Variants in ZNF77 observed in about 807,000 individuals in gnomAD.
ZNF77 encodes the protein zinc finger protein 77.
Under a neutral mutation model 13.5 loss-of-function variants are expected in ZNF77, and 15 were observed. The ratio of observed to expected loss-of-function variants is 1.11; its 90% CI spans 0.74 to 1.71. The LOEUF is 1.71. ZNF77 is among the 40% of genes most tolerant of loss of function. The pLI, the probability that ZNF77 is intolerant of heterozygous loss-of-function variation, is 0.00. For synonymous variants in ZNF77, 282 were observed against 250.0 expected (o/e 1.13, Z -1.21); for missense variants, 717 against 676.4 (o/e 1.06, Z -0.67).
intron 2 of ZNF77, among the ~76,000 whole-genome samples, chr19:2,937,090 A>T (rs1252756715): frequency 6.6e-6 from 1 of 151,968 alleles, no homozygotes; most frequent in East Asian, 1.9e-4. Context: ...TTGGGAGGCC[A>T]AGGAGGGAGG....
intron 1 of ZNF77, 28 bp downstream of exon 1, chr19:2,944,810 C>A: frequency 6.6e-7 from 1 of 1,513,548 alleles, no homozygotes; most frequent in Non-Finnish European, 8.8e-7. Context: ...CGCCCTGGGC[C>A]CGGGCTCGGC....
At chr19:2,935,269 C>T (rs1396620936) in intron 3 of ZNF77, among the ~76,000 whole-genome samples, 6 of 151,156 alleles carry the variant, frequency 4.0e-5, no homozygotes, top group Non-Finnish European at 7.4e-5. Context: ...CCGCCTGCCT[C>T]GGCCTCCCAA....
In ZNF77 at chr19:2,939,340, G is replaced by A; in HGVS notation, c.71C>T (p.Ala24Val). The A allele has an allele frequency of 6.2e-7, 1 of 1,614,222 alleles. No individual in the cohort carries two copies. Among genetic ancestry groups the A allele is most frequent in the Non-Finnish European group, 8.5e-7 (1 of 1,180,028 alleles). The change falls in exon 2 of 4, where the codon GCT becomes GTT. Residue 24 changes from alanine to valine, a missense_variant. Ala to Val is a moderately conservative substitution (Grantham distance 64). Coordinates refer to ENST00000314531, the MANE Select transcript of ZNF77 (RefSeq NM_021217.3). Reference sequence around the variant, plus strand: ...CACATCTCTGTAGAGGCTCCTCTGAGCATGATCCAGCAATGCCCACTCTTC... The same window carrying A: ...CACATCTCTGTAGAGGCTCCTCTGAACATGATCCAGCAATGCCCACTCTTC... ...TPEEWALLDH[A>V]QRSLYRDVML...
rs1184023183 is a variant in ZNF77 at position 2,934,389 on chromosome 19, C to T, written c.738G>A (p.Gly246=). 2 of 1,614,192 alleles carry T rather than the reference C, an allele frequency of 1.2e-6. No individual in the cohort carries two copies. Among genetic ancestry groups the T allele is most frequent in the African/African-American group, 1.3e-5 (1 of 75,048 alleles). Residue 246 remains glycine (G), a synonymous_variant, in exon 4 of 4, where the codon GGG becomes GGA. Transcript: ENST00000314531. ...GGTAGGAGTAATACATAAAGGTCTT[C>T]CCACATACTTTACATGCATGGGTTT... The part of the protein sequence containing the change: ...GQKTHACKVC[G]KTFMYYSYLT...
chr19:2,933,647 A>G lies in ZNF77; in HGVS notation c.1480T>C (p.Cys494Arg), dbSNP rs774984845. The change falls in exon 4 of 4, where the codon TGT becomes CGT. Residue 494 changes from cysteine (C) to arginine (R), a missense_variant. Transcript: ENST00000314531. ...RSHSGVKPYE[C>R]TECGKAYSCS... ...CTGTAGGCTTTCCCACATTCAGTAC[A>G]TTCGTAGGGTTTGACCCCACTGTGT... The G allele has an allele frequency of 1.9e-6, 3 of 1,613,858 alleles. No individual in the cohort carries two copies. The highest frequency in any genetic ancestry group is 1.1e-5 in the South Asian group (1 of 91,082).
intron 1 of ZNF77, 27 bp downstream of exon 1, chr19:2,944,811 C>T (rs1335909837): frequency 6.6e-7 from 1 of 1,513,534 alleles, no homozygotes; most frequent in Non-Finnish European, 8.8e-7. Context: ...GCCCTGGGCC[C>T]GGGCTCGGCT....
In ZNF77 at chr19:2,935,013, C is replaced by T. The variant is rs111635659; in HGVS notation, c.312-198G>A. Among the ~76,000 whole-genome samples the T allele has an allele frequency of 5.4e-3, 820 of 152,208 alleles. 5 individuals carry two copies. The highest frequency in any genetic ancestry group is 0.018 in the African/African-American group (747 of 41,548). On this transcript the variant is annotated intron_variant, in intron 3 of 3. Coordinates refer to ENST00000314531, the MANE Select transcript of ZNF77 (RefSeq NM_021217.3). ...GGCTCAACTGCAGCCATAAATTTCA[C>T]GGTGTTTCTTTTCTTCTTTTTTTGA...
In ZNF77 at chr19:2,934,269, A is replaced by G. The variant is rs1568191471; in HGVS notation, c.858T>C (p.His286=). The G allele has an allele frequency of 1.2e-6, 2 of 1,613,074 alleles. No individual in the cohort carries two copies. The highest frequency in any genetic ancestry group is 1.7e-6 in the Non-Finnish European group (2 of 1,179,388). ...AFSCPSYFRE[H]VRTHTGEKPY... ...GTTTCTCTCCAGTGTGTGTTCTGAC[A>G]TGTTCTCGAAAGTATGAGGGACAGC... The change falls in exon 4 of 4, where the codon CAT becomes CAC. Residue 286 remains histidine (H), a synonymous_variant. Transcript: ENST00000314531.
chr19:2,939,570 A>G, intron 1 of ZNF77, 163 bp from the exon 2 acceptor site: 1 of 923,386 alleles, frequency 1.1e-6, no homozygotes, highest in Non-Finnish European at 1.6e-6. Flanking sequence ...CAATGCCGTG[A>G]GTACCTTCCC....
chr19:2,938,009 G>A (rs1240788458), intron 2 of ZNF77, among the ~76,000 whole-genome samples: 1 of 152,144 alleles, frequency 6.6e-6, no homozygotes, highest in Admixed American at 6.5e-5. Flanking sequence ...CACCCACCTA[G>A]GCCTTCCAAA....
At chr19:2,935,766 C>G (rs1203927984) in intron 3 of ZNF77, among the ~76,000 whole-genome samples, 1 of 152,098 alleles carries the variant, frequency 6.6e-6, no homozygotes, top group Non-Finnish European at 1.5e-5. Flanking sequence ...CTTGTAATCC[C>G]AGCACTTTGG....
intron 2 of ZNF77, among the ~76,000 whole-genome samples, chr19:2,937,121 C>G (rs1465680214): frequency 6.6e-6 from 1 of 151,988 alleles, no homozygotes; most frequent in African/African-American, 2.4e-5. Context: ...CCCAGGAGGT[C>G]AAAGCTGCAG....
rs750179795 is a variant in ZNF77, at chr19:2,936,607, T to A, written c.228A>T (p.Gly76=). 6.2e-7 allele frequency: 1 copy of A among 1,611,136 alleles called. No homozygotes were observed. The highest frequency in any genetic ancestry group is 8.5e-7 in the Non-Finnish European group (1 of 1,179,276). Residue 76 remains glycine, a synonymous_variant, in exon 3 of 4, where the codon GGA becomes GGT. Transcript: ENST00000314531. ...CTCCAAAAATAGACCAGGAATCACT[T>A]CCTGTGAACTTTACAATCTCTTCAT... The part of the protein sequence containing the change: ...SNDEEIVKFT[G]SDSWSIFGEN...
intron 1 of ZNF77, among the ~76,000 whole-genome samples, chr19:2,943,673 C>G (rs1341197509): frequency 7.0e-6 from 1 of 143,656 alleles, no homozygotes; most frequent in East Asian, 2.0e-4. Flanking sequence ...CTATTTTTCT[C>G]TCTCCTTCTC....
At chr19:2,942,333 G>A (rs1482709740) in intron 1 of ZNF77, among the ~76,000 whole-genome samples, 1 of 147,138 alleles carries the variant, frequency 6.8e-6, no homozygotes, top group Admixed American at 6.8e-5. Context: ...GCCACTCAAA[G>A]TGCTAGGATT....
chr19:2,935,652 A>C (rs1599617873), intron 3 of ZNF77, among the ~76,000 whole-genome samples: 2 of 152,080 alleles, frequency 1.3e-5, no homozygotes, highest in Admixed American at 1.3e-4. Flanking sequence ...TTATAGATGA[A>C]GTTTCCTGAT....
rs1185735034 is a variant in ZNF77, at chr19:2,933,430, C to A, written c.*59G>T. 6.7e-7 allele frequency: 1 copy of A among 1,495,876 alleles called. No homozygotes were observed. Among genetic ancestry groups the A allele is most frequent in the Non-Finnish European group, 8.9e-7 (1 of 1,124,090 alleles). The allele number at this position is 1,495,876 out of a possible 1,614,324, so 92.7% of individuals were successfully genotyped here. A position where few individuals can be genotyped will look rare whatever the true frequency, so the allele number is the denominator to read the frequency against. On this transcript the variant is annotated 3_prime_UTR_variant, in exon 4 of 4. Coordinates refer to ENST00000314531, the MANE Select transcript of ZNF77 (RefSeq NM_021217.3). Reference sequence around the variant, plus strand: ...CATGCTCTACATAAATAACGTTTCTCACATTTACAACAAGGTTTTACGGTT... The same window carrying A: ...CATGCTCTACATAAATAACGTTTCTAACATTTACAACAAGGTTTTACGGTT...
Position 2,933,904 on chromosome 19 carries a change from T to C in ZNF77, c.1223A>G (p.Tyr408Cys). 10 of 1,613,668 alleles carry C rather than the reference T, an allele frequency of 6.2e-6. No individual in the cohort carries two copies. Among genetic ancestry groups the C allele is most frequent in the Non-Finnish European group, 8.5e-6 (10 of 1,179,930 alleles). ...GGCTTTCCCACACTCTTTACATTGA[T>C]AGGGCTTCACCCCGCTGTGTGTTTT... ...HVKTHSGVKPYQCKECGKAYS... is the reference protein window; with the variant it reads ...HVKTHSGVKPCQCKECGKAYS... The change falls in exon 4 of 4, where the codon TAT becomes TGT. Residue 408 changes from tyrosine (Y) to cysteine (C), a missense_variant. Tyr to Cys is a radical substitution (Grantham distance 194). Transcript: ENST00000314531.
intron 1 of ZNF77, among the ~76,000 whole-genome samples, chr19:2,941,174 CAAAAAAAAAA>C (rs142541120): frequency 1.6e-5 from 1 of 61,558 alleles, no homozygotes; most frequent in Admixed American, 2.0e-4. Context: ...CGCCCTACCT[CAAAAAAAAAA>C]AAAAAAAAAA....
Sources: allele counts gnomAD v4.1 joint callset (sites outside exome capture counted in the v4.1 genomes callset), GRCh38; gene constraint gnomAD v4.1.1; transcripts MANE v1.5; gene names NCBI Gene and HGNC (gene_info 2026-07-23, HGNC 2026-07-21).